The following EXOC4 variants were observed in gnomAD, a reference collection of about 807,000 sequenced individuals.
EXOC4 encodes the protein exocyst complex component 4.
In EXOC4, 71 loss-of-function variants were observed where a neutral mutation model predicts 107.2. The observed-to-expected ratio is 0.66, with a 90% confidence interval of 0.55 to 0.81. The LOEUF (loss-of-function observed/expected upper bound fraction) is 0.81, where lower values mean the gene tolerates loss of function less well. Among genes scored for constraint, EXOC4 ranks in the 30% least tolerant of loss-of-function variants. The pLI is 0.00. For synonymous variants in EXOC4, 456 were observed against 441.2 expected, an observed-to-expected ratio of 1.03 and a Z score of -0.42; for missense variants, 1,108 against 1,189.6, an observed-to-expected ratio of 0.93 and a Z score of 1.01.
intron 7 of EXOC4, among the ~76,000 whole-genome samples, chr7:133,440,219 G>A (rs868107962): frequency 3.3e-5 from 5 of 152,164 alleles, no homozygotes; most frequent in Middle Eastern, 3.4e-3. Flanking sequence ...TTCTCTTCAT[G>A]TTTTCACTGG....
the EXOC4 span, among the ~76,000 whole-genome samples, chr7:134,093,630 CAT>C: frequency 6.6e-6 from 1 of 152,138 alleles, no homozygotes; most frequent in African/African-American, 2.4e-5. Flanking sequence ...ACATTTTTCT[CAT>C]CTGTATATGG....
chr7:133,947,754 A>C (rs1800589572), intron 14 of EXOC4, among the ~76,000 whole-genome samples: 1 of 152,244 alleles, frequency 6.6e-6, no homozygotes, highest in South Asian at 2.1e-4. Flanking sequence ...CCCATAAAAA[A>C]TTATGTGGCT....
At chr7:133,739,635 T>C (rs1304535584) in intron 10 of EXOC4, among the ~76,000 whole-genome samples, 1 of 152,174 alleles carries the variant, frequency 6.6e-6, no homozygotes, top group African/African-American at 2.4e-5. Context: ...AGCTGCTGAG[T>C]GTCTAAAACA....
intron 10 of EXOC4, 63 bp downstream of exon 10, chr7:133,630,204 C>T (rs1585042685): frequency 7.8e-7 from 1 of 1,279,532 alleles, no homozygotes; most frequent in Admixed American, 1.8e-5. Flanking sequence ...TGCTGGTCTA[C>T]TGAATGCCAG....
At chr7:133,902,811 C>T (rs963304501) in intron 12 of EXOC4, among the ~76,000 whole-genome samples, 15 of 151,508 alleles carry the variant, frequency 9.9e-5, no homozygotes, top group African/African-American at 3.2e-4. Flanking sequence ...GCCGAGATTG[C>T]GCCACTGCAC....
At chr7:133,404,315 G>A (rs1421905832) in intron 7 of EXOC4, among the ~76,000 whole-genome samples, 2 of 152,030 alleles carry the variant, frequency 1.3e-5, no homozygotes, top group Non-Finnish European at 2.9e-5. Context: ...GTGTTAGCTA[G>A]GATGGTCTCG....
chr7:133,910,631 A>G (rs1799672292), intron 12 of EXOC4, among the ~76,000 whole-genome samples: 1 of 152,092 alleles, frequency 6.6e-6, no homozygotes, highest in South Asian at 2.1e-4. Flanking sequence ...TGGCAGCATA[A>G]TACTATTATC....
At chr7:133,710,103 C>T (rs1435940486) in intron 10 of EXOC4, among the ~76,000 whole-genome samples, 2 of 152,038 alleles carry the variant, frequency 1.3e-5, no homozygotes, top group Non-Finnish European at 1.5e-5. Flanking sequence ...AATAAAATAT[C>T]GTATGCCATA....
chr7:133,262,917 G>C (rs937380322), intron 1 of EXOC4, among the ~76,000 whole-genome samples: 1 of 152,150 alleles, frequency 6.6e-6, no homozygotes, highest in Non-Finnish European at 1.5e-5. Flanking sequence ...TCATGGGAGG[G>C]ACCTGGTAGG....
At chr7:133,446,465 C>T (rs1183794315) in intron 7 of EXOC4, among the ~76,000 whole-genome samples, 2 of 152,142 alleles carry the variant, frequency 1.3e-5, no homozygotes, top group African/African-American at 4.8e-5. Context: ...CTCTAGTTTG[C>T]TCACTGTTAG....
intron 5 of EXOC4, among the ~76,000 whole-genome samples, chr7:133,336,144 C>G (rs1234133005): frequency 6.6e-6 from 1 of 152,092 alleles, no homozygotes; most frequent in African/African-American, 2.4e-5. Flanking sequence ...CATAGGTTGC[C>G]TTTTAGCTCT....
chr7:133,644,962 GT>G (rs1562889292), intron 10 of EXOC4, among the ~76,000 whole-genome samples: 9 of 152,066 alleles, frequency 5.9e-5, no homozygotes, highest in Non-Finnish European at 1.2e-4. Context: ...AGCCATAGCT[GT>G]ATCCCCTTTG....
intron 11 of EXOC4, among the ~76,000 whole-genome samples, chr7:133,890,319 A>G (rs1799179171): frequency 2.8e-5 from 2 of 71,012 alleles, no homozygotes; most frequent in Admixed American, 1.1e-4. Flanking sequence ...GATTCTGGAT[A>G]TTAGCCCTTT....
At chr7:133,329,412 C>G (rs1481060049) in intron 5 of EXOC4, among the ~76,000 whole-genome samples, 2 of 152,134 alleles carry the variant, frequency 1.3e-5, no homozygotes, top group Non-Finnish European at 2.9e-5. Context: ...CTTCTGAAGC[C>G]TACTTTTGTC....
At chr7:134,056,850 C>T (rs1003714004) in intron 17 of EXOC4, among the ~76,000 whole-genome samples, 1 of 152,088 alleles carries the variant, frequency 6.6e-6, no homozygotes, top group Non-Finnish European at 1.5e-5. Context: ...GTAACTGAGC[C>T]AAGGAGTGTG....
intron 7 of EXOC4, among the ~76,000 whole-genome samples, chr7:133,445,733 T>G (rs1183041531): frequency 6.6e-6 from 1 of 152,110 alleles, no homozygotes; most frequent in Admixed American, 6.6e-5. Context: ...GGAGCTGCGT[T>G]ATCTGGTGTG....
At chr7:133,993,296 T>C (rs531570693) in intron 14 of EXOC4, among the ~76,000 whole-genome samples, 1 of 152,306 alleles carries the variant, frequency 6.6e-6, no homozygotes, top group Admixed American at 6.5e-5. Flanking sequence ...AGTTGTAGAA[T>C]TGACTCAATG....
chr7:133,622,561 T>C (rs1240434245), intron 9 of EXOC4, among the ~76,000 whole-genome samples: 2 of 152,160 alleles, frequency 1.3e-5, no homozygotes, highest in Admixed American at 6.5e-5. Context: ...CTAGCTTCAG[T>C]TGGACCACTA....
chr7:133,705,382 G>T (rs1016300550), intron 10 of EXOC4, among the ~76,000 whole-genome samples: 16 of 151,966 alleles, frequency 1.1e-4, no homozygotes, highest in South Asian at 2.1e-4. Flanking sequence ...ATAAGAAGAA[G>T]AATAATTAAG....
Sources: gnomAD v4.1 joint callset for allele counts (sites outside exome capture counted in the v4.1 genomes callset) on GRCh38, gnomAD v4.1.1 for gene constraint, MANE v1.5 for transcripts, NCBI Gene and HGNC (gene_info 2026-07-23, HGNC 2026-07-21) for gene names.